SCFD2: variants seen among roughly 807,000 people sequenced by gnomAD.
SCFD2 encodes sec1 family domain containing 2.
SCFD2 carries 54 observed loss-of-function variants against 58.9 expected under a neutral mutation model. The ratio of observed to expected loss-of-function variants is 0.92; its 90% CI spans 0.74 to 1.15. SCFD2 has a LOEUF of 1.15. SCFD2 is among the 50% of genes most tolerant of loss of function. The pLI, the probability that SCFD2 is intolerant of heterozygous loss-of-function variation, is 0.00. For missense variants in SCFD2, 805 were observed against 836.6 expected (o/e 0.96, Z 0.47); for synonymous variants, 321 against 335.9 (o/e 0.96, Z 0.49).
intron 5 of SCFD2, among the ~76,000 whole-genome samples, chr4:53,136,480 T>C (rs1437797588): frequency 6.6e-6 from 1 of 152,168 alleles, no homozygotes; most frequent in Non-Finnish European, 1.5e-5. Flanking sequence ...AAGTATACTT[T>C]GATGGATTAA....
intron 1 of SCFD2, among the ~76,000 whole-genome samples, chr4:53,359,217 T>A (rs997844663): frequency 1.3e-5 from 2 of 152,214 alleles, no homozygotes; most frequent in Non-Finnish European, 2.9e-5. Flanking sequence ...TGAGGTTATT[T>A]TTGATACTGC....
chr4:53,028,538 T>G (rs1343265351), intron 5 of SCFD2, among the ~76,000 whole-genome samples: 1 of 152,190 alleles, frequency 6.6e-6, no homozygotes, highest in East Asian at 1.9e-4. Context: ...TTCCTCATAT[T>G]ATGGCTCAAT....
At chr4:53,246,887 A>C (rs1730095075) in intron 4 of SCFD2, among the ~76,000 whole-genome samples, 1 of 149,784 alleles carries the variant, frequency 6.7e-6, no homozygotes, top group Non-Finnish European at 1.5e-5. Flanking sequence ...CAGTAAAAGA[A>C]GCTATCAACA....
chr4:53,242,954 A>G (rs577295405), intron 4 of SCFD2, among the ~76,000 whole-genome samples: 1 of 152,324 alleles, frequency 6.6e-6, no homozygotes, highest in African/African-American at 2.4e-5. Flanking sequence ...GAAAAAACAT[A>G]AATAAAACCT....
intron 5 of SCFD2, among the ~76,000 whole-genome samples, chr4:52,927,507 C>A (rs1719890988): frequency 6.6e-6 from 1 of 152,182 alleles, no homozygotes; most frequent in Admixed American, 6.5e-5. Context: ...CTTGTTCACA[C>A]CTAATTCAAA....
At chr4:52,965,246 C>T (rs1231339034) in intron 5 of SCFD2, among the ~76,000 whole-genome samples, 3 of 152,052 alleles carry the variant, frequency 2.0e-5, no homozygotes, top group Non-Finnish European at 4.4e-5. Context: ...AGCCCCCCCG[C>T]AAAAAATGAT....
chr4:53,215,922 G>C (rs535380880), intron 4 of SCFD2, among the ~76,000 whole-genome samples: 1 of 152,146 alleles, frequency 6.6e-6, no homozygotes, highest in South Asian at 2.1e-4. Context: ...TTTGTCTTTG[G>C]TTCTGTTTAT....
intron 5 of SCFD2, among the ~76,000 whole-genome samples, chr4:52,971,416 G>A (rs1721098182): frequency 6.6e-6 from 1 of 152,220 alleles, no homozygotes; most frequent in South Asian, 2.1e-4. Flanking sequence ...AAGGGTATCA[G>A]TGATGGAAAA....
At chr4:53,109,469 C>T (rs1725103851) in intron 5 of SCFD2, among the ~76,000 whole-genome samples, 1 of 152,130 alleles carries the variant, frequency 6.6e-6, no homozygotes, top group African/African-American at 2.4e-5. Context: ...TAGAAAACCC[C>T]ATCGTCTCTC....
intron 5 of SCFD2, among the ~76,000 whole-genome samples, chr4:53,048,495 G>A (rs1363822005): frequency 2.0e-5 from 3 of 152,160 alleles, no homozygotes; most frequent in African/African-American, 7.2e-5. Flanking sequence ...CAGCATTTTG[G>A]GAGGCTGAGG....
intron 5 of SCFD2, among the ~76,000 whole-genome samples, chr4:52,955,180 C>T (rs1720682494): frequency 6.6e-6 from 1 of 152,162 alleles, no homozygotes; most frequent in Non-Finnish European, 1.5e-5. Flanking sequence ...AGGATGCTCC[C>T]TTTATGCTTG....
chr4:52,885,889 T>G lies in SCFD2; in HGVS notation c.1843-23A>C, dbSNP rs371339462. 2.4e-5 allele frequency: 39 copies of G among 1,613,166 alleles called. No homozygotes were observed. The African/African-American group carries it at 5.1e-4, about 21-fold the overall frequency. ...CACCTGCAAAACAAAACACCAGCAA[T>G]ATCAGATGGATGGCAGTGATGCAGG... is the stretch of plus-strand genomic sequence containing the variant. On this transcript the variant is annotated intron_variant, in intron 7 of 8. Transcript: ENST00000401642.
intron 4 of SCFD2, among the ~76,000 whole-genome samples, chr4:53,253,765 G>A (rs760016725): frequency 6.8e-5 from 10 of 148,144 alleles, no homozygotes; most frequent in Non-Finnish European, 1.3e-4. Flanking sequence ...GGGAGGGATT[G>A]CATTAGGAGA....
chr4:53,097,825 C>T (rs1230022198), intron 5 of SCFD2, among the ~76,000 whole-genome samples: 1 of 152,140 alleles, frequency 6.6e-6, no homozygotes, highest in Non-Finnish European at 1.5e-5. Flanking sequence ...CAGTTTTTGT[C>T]CATTCAGTAT....
chr4:53,059,459 T>A (rs1485556585), intron 5 of SCFD2, among the ~76,000 whole-genome samples: 1 of 152,142 alleles, frequency 6.6e-6, no homozygotes, highest in African/African-American at 2.4e-5. Context: ...TCCAAGGCCC[T>A]CTATGTGCCA....
intron 2 of SCFD2, among the ~76,000 whole-genome samples, chr4:53,315,705 T>C (rs985245247): frequency 3.9e-5 from 6 of 152,192 alleles, no homozygotes; most frequent in African/African-American, 1.4e-4. Flanking sequence ...TTATGCTTCA[T>C]AATTGTTCTC....
At chr4:52,972,152 A>AGG (rs1296052698) in intron 5 of SCFD2, among the ~76,000 whole-genome samples, 1 of 152,226 alleles carries the variant, frequency 6.6e-6, no homozygotes, top group Non-Finnish European at 1.5e-5. Context: ...ACAGGATCAA[A>AGG]TTCACATATA....
intron 5 of SCFD2, among the ~76,000 whole-genome samples, chr4:52,999,824 G>A (rs962020025): frequency 2.6e-5 from 4 of 152,200 alleles, no homozygotes; most frequent in Non-Finnish European, 4.4e-5. Flanking sequence ...AGGCCACTGT[G>A]AGAGTCTAAA....
chr4:53,057,703 A>T (rs1009597525), intron 5 of SCFD2, among the ~76,000 whole-genome samples: 2 of 152,154 alleles, frequency 1.3e-5, no homozygotes, highest in African/African-American at 4.8e-5. Context: ...AAAGACAATT[A>T]TCAGGAACAG....
Sources: gnomAD v4.1 joint callset for allele counts (sites outside exome capture counted in the v4.1 genomes callset) on GRCh38, gnomAD v4.1.1 for gene constraint, MANE v1.5 for transcripts, NCBI Gene and HGNC (gene_info 2026-07-23, HGNC 2026-07-21) for gene names.